The following NAV1 variants were observed in gnomAD, a reference collection of about 807,000 sequenced individuals.
The protein encoded by NAV1 is neuron navigator 1, also known as pore membrane and/or filament interacting like protein 3.
NAV1 carries 18 observed loss-of-function variants against 175.2 expected under a neutral mutation model. That is an observed-to-expected ratio of 0.10 (90% CI 0.07 to 0.15). NAV1 has a LOEUF of 0.15. Among genes scored for constraint, NAV1 ranks in the 10% least tolerant of loss-of-function variants. The pLI, the probability that NAV1 is intolerant of heterozygous loss-of-function variation, is 1.00. For synonymous variants in NAV1, 897 were observed against 978.7 expected, an observed-to-expected ratio of 0.92 and a Z score of 1.56; for missense variants, 1,731 against 2,436.6, an observed-to-expected ratio of 0.71 and a Z score of 6.10.
rs779362964 is a variant in NAV1 at position 201,740,087 on chromosome 1, C to T, written c.1226+21332C>T. ...GAATTTCCCCCGCAGGTAAGCGCCCCCACCCCCCTGGCCTCACCGCCAGAC... is the reference window on the plus strand; with the variant it reads ...GAATTTCCCCCGCAGGTAAGCGCCCTCACCCCCCTGGCCTCACCGCCAGAC... On this transcript the variant is annotated intron_variant, in intron 3 of 29. Coordinates refer to ENST00000367296, the Ensembl canonical transcript of NAV1. The surrounding 1 kb of genome is among the most constrained non-coding windows in gnomAD (Gnocchi z 4.7). 1.4e-5 allele frequency: 21 copies of T among 1,449,612 alleles called. No homozygotes were observed. Among genetic ancestry groups the T allele is most frequent in the Non-Finnish European group, 4.5e-6 (5 of 1,099,908 alleles). 89.8% of individuals were successfully genotyped at this position (1,449,612 alleles called of 1,614,324 possible). A position where few individuals can be genotyped will look rare whatever the true frequency, so the allele number is the denominator to read the frequency against.
At chr1:201,708,393 G>C (rs1671759036) in intron 1 of NAV1, among the ~76,000 whole-genome samples, 2 of 152,044 alleles carry the variant, frequency 1.3e-5, no homozygotes, top group Admixed American at 1.3e-4. Flanking sequence ...CCTGGGGCCT[G>C]CTAGGAGCCC....
intron 1 of NAV1, among the ~76,000 whole-genome samples, chr1:201,708,651 A>G (rs1671772245): frequency 6.6e-6 from 1 of 152,130 alleles, no homozygotes; most frequent in South Asian, 2.1e-4. Context: ...TCTAATTTGC[A>G]CAAAGGTGCC....
chr1:201,641,982 TTC>T (rs1209502111), intron 2 of NAV1, among the ~76,000 whole-genome samples: 3 of 150,366 alleles, frequency 2.0e-5, no homozygotes, highest in Non-Finnish European at 1.5e-5. Context: ...CTCTCTCTTT[TTC>T]TCTTTCTTCC....
At chr1:201,660,987 T>C (rs186491638) in intron 1 of NAV1, among the ~76,000 whole-genome samples, 67 of 152,330 alleles carry the variant, frequency 4.4e-4, no homozygotes, top group Admixed American at 4.2e-3. Flanking sequence ...TATTGGTGCA[T>C]GCTTGTTGAC....
intron 1 of NAV1, among the ~76,000 whole-genome samples, chr1:201,554,357 C>G (rs1038641654): frequency 1.3e-5 from 2 of 152,140 alleles, no homozygotes; most frequent in Non-Finnish European, 2.9e-5. Flanking sequence ...GCAGGGACCA[C>G]GTCTGTTCTG....
rs1571850547 is a variant in NAV1, at chr1:201,623,404, G to A, written c.-303G>A. On this transcript the variant is annotated 5_prime_UTR_variant, in exon 1 of 30. Coordinates refer to the NAV1 transcript ENST00000367302. ...GAAGCCTCCAAGCTGCCCAGGAAAA[G>A]ACCAAAGAGATATAAACTACAAAAG... 5.1e-6 allele frequency: 5 copies of A among 985,914 alleles called. No individual in the cohort carries two copies. The African/African-American group carries it at 7.0e-5, about 14-fold the overall frequency. 61.1% of individuals were successfully genotyped at this position (985,914 alleles called of 1,614,324 possible).
At chr1:201,699,922 C>A (rs144256414) in intron 1 of NAV1, among the ~76,000 whole-genome samples, 14,595 of 152,212 alleles carry the variant, frequency 0.096, 957 homozygotes, top group Middle Eastern at 0.21. Flanking sequence ...CTTCCTTACA[C>A]CTTATACAAA....
intron 1 of NAV1, among the ~76,000 whole-genome samples, chr1:201,665,826 C>T (rs1350041682): frequency 6.6e-6 from 1 of 151,876 alleles, no homozygotes; most frequent in African/African-American, 2.4e-5. Flanking sequence ...ATCTACGTTG[C>T]ATCCTCCCTC....
intron 7 of NAV1, among the ~76,000 whole-genome samples, chr1:201,784,264 T>G (rs756548288): frequency 6.6e-6 from 1 of 152,150 alleles, no homozygotes. Context: ...TTCAAGCAGT[T>G]CTCCTGCTTC....
chr1:201,809,175 A>G (rs747443259), exon 21 of NAV1: 19 of 1,613,832 alleles, frequency 1.2e-5, no homozygotes, highest in Middle Eastern at 3.3e-4. Flanking sequence ...CCTGTCACCC[A>G]TGGATGGCAT....
intron 2 of NAV1, among the ~76,000 whole-genome samples, chr1:201,607,978 G>A (rs1406729598): frequency 6.6e-6 from 1 of 150,926 alleles, no homozygotes; most frequent in Non-Finnish European, 1.5e-5. Flanking sequence ...GACTTAGTGG[G>A]GTGATAACTT....
At chr1:201,630,665 G>A (rs1668459107) in intron 2 of NAV1, among the ~76,000 whole-genome samples, 1 of 152,132 alleles carries the variant, frequency 6.6e-6, no homozygotes, top group African/African-American at 2.4e-5. Flanking sequence ...ATGGGTTAAG[G>A]ACTCAGCATT....
chr1:201,755,696 G>A (rs151043370), intron 3 of NAV1, among the ~76,000 whole-genome samples: 6 of 152,244 alleles, frequency 3.9e-5, no homozygotes, highest in Non-Finnish European at 7.3e-5. Context: ...GGCAATTAAT[G>A]CACTTACACA....
intron 1 of NAV1, among the ~76,000 whole-genome samples, chr1:201,560,760 A>C (rs1157530363): frequency 6.6e-6 from 1 of 152,216 alleles, no homozygotes; most frequent in Non-Finnish European, 1.5e-5. Flanking sequence ...CTGTCTCTGC[A>C]GAGCCCCTTC....
At chr1:201,686,317 C>T (rs1254937532) in intron 1 of NAV1, among the ~76,000 whole-genome samples, 4 of 151,880 alleles carry the variant, frequency 2.6e-5, no homozygotes, top group Admixed American at 6.6e-5. Context: ...CAGACCAGCC[C>T]TCCCCCAGGG....
chr1:201,810,524 T>C lies in NAV1; in HGVS notation c.4563T>C (p.Gly1521=). Reference sequence around the variant, plus strand: ...ATGCTTTCTGGGGTGGGGGTTCAGGTCTGAAGGAGAAATGCGTCGACAGCC... The same window carrying C: ...ATGCTTTCTGGGGTGGGGGTTCAGGCCTGAAGGAGAAATGCGTCGACAGCC... Residue 1521 remains glycine, a splice_region_variant and synonymous_variant, in exon 24 of 30, where the codon GGT becomes GGC. Coordinates refer to ENST00000367296, the Ensembl canonical transcript of NAV1. The surrounding 1 kb of genome is among the most constrained non-coding windows in gnomAD (Gnocchi z 6.0). The C allele has an allele frequency of 6.2e-7, 1 of 1,607,234 alleles. No individual in the cohort carries two copies. Among genetic ancestry groups the C allele is most frequent in the Admixed American group, 1.7e-5 (1 of 58,968 alleles).
chr1:201,803,077 T>G (rs1678045364), intron 15 of NAV1, among the ~76,000 whole-genome samples: 1 of 152,238 alleles, frequency 6.6e-6, no homozygotes, highest in Non-Finnish European at 1.5e-5. Flanking sequence ...AAAGTAAGAT[T>G]ATTTTTTGTG....
At chr1:201,760,532 A>T (rs1674775223) in intron 3 of NAV1, among the ~76,000 whole-genome samples, 1 of 152,192 alleles carries the variant, frequency 6.6e-6, no homozygotes, top group African/African-American at 2.4e-5. Context: ...TTAGATTTGT[A>T]TTAGAGTAAC....
upstream of NAV1, among the ~76,000 whole-genome samples, chr1:201,645,054 T>A (rs1034919226): frequency 6.6e-6 from 1 of 152,176 alleles, no homozygotes; most frequent in African/African-American, 2.4e-5. Context: ...TTACTGGGTA[T>A]ATACCCAAAG....
Sources: gnomAD v4.1 joint callset for allele counts (sites outside exome capture counted in the v4.1 genomes callset) on GRCh38, gnomAD v4.1.1 for gene constraint, Gnocchi (gnomAD v3.1) non-coding constraint, MANE v1.5 for transcripts, NCBI Gene and HGNC (gene_info 2026-07-23, HGNC 2026-07-21) for gene names.